Variants in FBXO4 observed in about 807,000 individuals in gnomAD.
FBXO4 encodes F-box only protein 4.
In FBXO4, 36 loss-of-function variants were observed where a neutral mutation model predicts 43.7. The ratio of observed to expected loss-of-function variants is 0.82; its 90% confidence interval spans 0.63 to 1.09. FBXO4 has a LOEUF of 1.09. FBXO4 is among the 50% of genes least tolerant of loss of function. The pLI is 0.00. For synonymous variants in FBXO4, 180 were observed against 165.6 expected, an observed-to-expected ratio of 1.09 and a Z score of -0.67; for missense variants, 435 against 474.1, an observed-to-expected ratio of 0.92 and a Z score of 0.77.
the FBXO4 span, among the ~76,000 whole-genome samples, chr5:41,972,527 A>G: frequency 4.6e-5 from 7 of 152,228 alleles, no homozygotes; most frequent in African/African-American, 1.7e-4. Flanking sequence ...TGTTATTCTT[A>G]TCAAACCACC....
the FBXO4 span, chr5:41,968,060 T>C: frequency 2.7e-6 from 1 of 372,056 alleles, no homozygotes; most frequent in East Asian, 6.9e-5. Context: ...TGGGCCAGTT[T>C]CCTGACAACA....
intron 5 of FBXO4, chr5:41,939,182 T>C (rs1751931720): frequency 6.5e-6 from 2 of 310,020 alleles, no homozygotes; most frequent in East Asian, 5.6e-5. Flanking sequence ...TAAACTCTAC[T>C]ATATGCCTAC....
At chr5:41,927,341 T>G in intron 2 of FBXO4, 93 bp downstream of exon 2, 1 of 934,274 alleles carries the variant, frequency 1.1e-6, no homozygotes, top group South Asian at 1.7e-5. Context: ...TGCTACTGAT[T>G]TGTTGCGTGG....
chr5:41,958,364 G>A, the FBXO4 span, among the ~76,000 whole-genome samples: 1 of 152,138 alleles, frequency 6.6e-6, no homozygotes, highest in Non-Finnish European at 1.5e-5. Context: ...TCGATCTCCT[G>A]ACCTCGTGAT....
the FBXO4 span, among the ~76,000 whole-genome samples, chr5:41,964,849 T>TTA: frequency 1.3e-5 from 2 of 152,198 alleles, no homozygotes; most frequent in African/African-American, 4.8e-5. Context: ...TGCACTCTGA[T>TTA]GGTAGTTTCT....
intron 5 of FBXO4, among the ~76,000 whole-genome samples, chr5:41,937,642 A>C (rs557305806): frequency 6.6e-6 from 1 of 152,216 alleles, no homozygotes; most frequent in Non-Finnish European, 1.5e-5. Flanking sequence ...TTACAGATCA[A>C]TAAATGAATT....
At chr5:41,965,271 GT>G in the FBXO4 span, among the ~76,000 whole-genome samples, 1 of 152,342 alleles carries the variant, frequency 6.6e-6, no homozygotes, top group Middle Eastern at 3.4e-3. Context: ...GTACCATGCT[GT>G]TTTTGTTACT....
intron 3 of FBXO4, 76 bp downstream of exon 3, chr5:41,929,993 TTTAAA>T: frequency 8.3e-7 from 1 of 1,198,140 alleles, no homozygotes; most frequent in African/African-American, 1.5e-5. Context: ...AGAAATTCAT[TTTAAA>T]TTAATTATTT....
At chr5:42,030,312 A>C in the FBXO4 span, among the ~76,000 whole-genome samples, 3 of 152,332 alleles carry the variant, frequency 2.0e-5, no homozygotes, top group African/African-American at 7.2e-5. Flanking sequence ...GCATGTCTAC[A>C]ACCATCTGAT....
chr5:41,978,458 GA>G, the FBXO4 span, among the ~76,000 whole-genome samples: 1 of 151,998 alleles, frequency 6.6e-6, no homozygotes, highest in Admixed American at 6.6e-5. Flanking sequence ...GAAGAAAACA[GA>G]AAAGAATTTA....
At chr5:42,021,933 C>T in the FBXO4 span, among the ~76,000 whole-genome samples, 5 of 152,102 alleles carry the variant, frequency 3.3e-5, no homozygotes, top group East Asian at 1.9e-4. Flanking sequence ...GATCTAATTA[C>T]TCCTGTTGAT....
At chr5:41,930,952 G>A (rs1023940322) in intron 3 of FBXO4, among the ~76,000 whole-genome samples, 5 of 152,176 alleles carry the variant, frequency 3.3e-5, no homozygotes, top group Non-Finnish European at 7.3e-5. Context: ...CACCGCGCCC[G>A]GCGGAGAACT....
chr5:41,994,037 A>C, the FBXO4 span, among the ~76,000 whole-genome samples: 2 of 152,236 alleles, frequency 1.3e-5, no homozygotes, highest in African/African-American at 4.8e-5. Flanking sequence ...TGACGCTCAG[A>C]ATTAACCATC....
rs937578493 is a variant in FBXO4, at chr5:41,925,507, C to G, written c.189+9C>G. ...CCCTGACGCGGCTGCCGGTGAGCGT[C>G]GGCCGCAGGCCGCGGAGGACAGTGG... On this transcript the variant is annotated intron_variant, in intron 1 of 6. Transcript: ENST00000281623. 2.3e-6 allele frequency: 3 copies of G among 1,304,460 alleles called. No individual in the cohort carries two copies. The highest frequency in any genetic ancestry group is 6.3e-5 in the East Asian group (2 of 31,802). The allele number at this position is 1,304,460 out of a possible 1,614,324, so 80.8% of individuals were successfully genotyped here.
chr5:41,976,894 C>T, the FBXO4 span, among the ~76,000 whole-genome samples: 25 of 152,314 alleles, frequency 1.6e-4, no homozygotes, highest in South Asian at 4.1e-4. Flanking sequence ...TAACAGGATT[C>T]GCATCCTGTG....
the FBXO4 span, among the ~76,000 whole-genome samples, chr5:42,025,036 T>G: frequency 1.3e-5 from 2 of 152,000 alleles, no homozygotes; most frequent in Non-Finnish European, 1.5e-5. Flanking sequence ...CTCTTCAATA[T>G]ATTGATTTTC....
At chr5:41,942,419 C>T (rs1027660351), downstream of FBXO4, among the ~76,000 whole-genome samples, 19 of 150,424 alleles carry the variant, frequency 1.3e-4, no homozygotes, top group Admixed American at 6.6e-4. Context: ...TTTATATCAG[C>T]TATCTTTTTT....
chr5:42,039,452 T>C, the FBXO4 span, among the ~76,000 whole-genome samples: 1 of 152,120 alleles, frequency 6.6e-6, no homozygotes, highest in African/African-American at 2.4e-5. Context: ...TTGCTTGATG[T>C]TAAACTTCCC....
the FBXO4 span, among the ~76,000 whole-genome samples, chr5:41,947,731 G>T: frequency 6.6e-6 from 1 of 152,184 alleles, no homozygotes; most frequent in African/African-American, 2.4e-5. Context: ...TCATATGTAG[G>T]CTGTGGTCAA....
Sources: allele counts gnomAD v4.1 joint callset (sites outside exome capture counted in the v4.1 genomes callset), GRCh38; gene constraint gnomAD v4.1.1; transcripts MANE v1.5; gene names NCBI Gene and HGNC (gene_info 2026-07-23, HGNC 2026-07-21).